AFF2: variants seen among roughly 807,000 people sequenced by gnomAD.
AFF2 encodes AF4/FMR2 family member 2.
In AFF2, 14 loss-of-function variants were observed where a neutral mutation model predicts 76.9. That is an observed-to-expected ratio of 0.18 (90% CI 0.12 to 0.28). The LOEUF is 0.28. Among genes scored for constraint, AFF2 ranks in the 10% least tolerant of loss-of-function variants. The pLI, the probability that AFF2 is intolerant of heterozygous loss-of-function variation, is 1.00. For synonymous variants in AFF2, 398 were observed against 366.7 expected (o/e 1.09, Z -0.98); for missense variants, 868 against 1,001.1 (o/e 0.87, Z 1.79).
At chrX:148,981,794 C>T (rs1055256805) in intron 19 of AFF2, among the ~76,000 whole-genome samples, 4 of 112,335 alleles carry the variant, frequency 3.6e-5, no homozygotes, top group African/African-American at 1.3e-4. Flanking sequence ...TCTCTACTGC[C>T]ACTTTATAAA....
chrX:148,609,501 T>C (rs2124399975), intron 1 of AFF2, among the ~76,000 whole-genome samples: 1 of 111,992 alleles, frequency 8.9e-6, no homozygotes, highest in Admixed American at 9.5e-5. Context: ...GTGTGTGTAG[T>C]GACTGGCTGA....
chrX:148,653,239 A>G (rs782498867), intron 2 of AFF2, among the ~76,000 whole-genome samples: 18 of 112,170 alleles, frequency 1.6e-4, no homozygotes, highest in African/African-American at 4.5e-4. Flanking sequence ...TCCCTAAAAA[A>G]GCAGTGTTCC....
At chrX:148,527,696 AT>A (rs782611068) in intron 1 of AFF2, among the ~76,000 whole-genome samples, 118 of 111,189 alleles carry the variant, frequency 1.1e-3, no homozygotes, top group African/African-American at 3.9e-3. Flanking sequence ...GGAAGTCTGA[AT>A]TTTTTTTCAA....
At chrX:148,776,133 G>C (rs1187097564) in intron 3 of AFF2, among the ~76,000 whole-genome samples, 11 of 111,019 alleles carry the variant, frequency 9.9e-5, no homozygotes, top group African/African-American at 3.6e-4. Flanking sequence ...TCCTTTGTTA[G>C]TTTGCTGAGA....
intron 7 of AFF2, among the ~76,000 whole-genome samples, chrX:148,878,615 G>C (rs998955594): frequency 9.0e-6 from 1 of 111,472 alleles, no homozygotes; most frequent in Non-Finnish European, 1.9e-5. Flanking sequence ...GACTTGTACC[G>C]CCCTACCAAA....
Position 148,953,646 on chromosome X carries a change from C to A in AFF2, c.1464C>A (p.Ser488Arg). Residue 488 changes from serine (S) to arginine (R), a missense_variant, in exon 10 of 21, where the codon AGC (serine) becomes AGA (arginine). By Grantham distance (110) the Ser-to-Arg change is moderately radical. Transcript: ENST00000370460. ...CCAGCGGGGGTTCTGGCAGCTCCAG[C>A]GAATCGGAGAGCAGCTCTGAGTCGG... ...VQASGGSGSSSESESSSESDS... is the reference protein window; with the variant it reads ...VQASGGSGSSRESESSSESDS... 1 of 1,211,423 alleles carries A rather than the reference C, an allele frequency of 8.3e-7. No homozygotes were observed. Among genetic ancestry groups the A allele is most frequent in the Non-Finnish European group, 1.1e-6 (1 of 895,276 alleles).
intron 9 of AFF2, among the ~76,000 whole-genome samples, chrX:148,938,453 TA>T (rs1312514900): frequency 8.9e-6 from 1 of 111,972 alleles, no homozygotes; most frequent in African/African-American, 3.2e-5. Flanking sequence ...AGCACGATAC[TA>T]AAAAAGAACC....
chrX:148,634,098 AC>A (rs1433079243), intron 1 of AFF2, among the ~76,000 whole-genome samples: 7 of 111,322 alleles, frequency 6.3e-5, no homozygotes, highest in African/African-American at 2.3e-4. Context: ...TGATCTCAAT[AC>A]CCTCTAATAA....
At chrX:148,815,884 G>A in intron 4 of AFF2, among the ~76,000 whole-genome samples, 1 of 111,419 alleles carries the variant, frequency 9.0e-6, no homozygotes, top group Non-Finnish European at 1.9e-5. Flanking sequence ...GTATATCTTA[G>A]GTATGCTATA....
intron 1 of AFF2, among the ~76,000 whole-genome samples, chrX:148,601,397 A>G (rs782479461): frequency 1.2e-4 from 14 of 112,021 alleles, no homozygotes; most frequent in Admixed American, 2.8e-4. Context: ...AGAGCCTGGC[A>G]TCTATGTAAA....
At chrX:148,784,579 A>T (rs1438707797) in intron 3 of AFF2, among the ~76,000 whole-genome samples, 1 of 111,790 alleles carries the variant, frequency 8.9e-6, no homozygotes, top group Non-Finnish European at 1.9e-5. Context: ...ACGGTGCATT[A>T]AGGATGAGAT....
intron 5 of AFF2, among the ~76,000 whole-genome samples, chrX:148,838,786 T>C (rs1404539443): frequency 8.9e-6 from 1 of 111,829 alleles, no homozygotes; most frequent in Non-Finnish European, 1.9e-5. Flanking sequence ...TGGACTTTAT[T>C]TGTAGAAGGA....
chrX:148,693,247 A>T (rs782675603), intron 3 of AFF2, among the ~76,000 whole-genome samples: 1 of 111,928 alleles, frequency 8.9e-6, no homozygotes, highest in Non-Finnish European at 1.9e-5. Context: ...CCCTGCATCA[A>T]CTAGTAATTG....
chrX:148,989,863 C>G (rs1869892480), intron 20 of AFF2, among the ~76,000 whole-genome samples: 1 of 111,689 alleles, frequency 9.0e-6, no homozygotes, highest in Non-Finnish European at 1.9e-5. Context: ...GCCCTCTGGC[C>G]TTTGGTCTAG....
chrX:148,854,073 C>A (rs1416332481), intron 7 of AFF2, among the ~76,000 whole-genome samples: 1 of 111,709 alleles, frequency 9.0e-6, no homozygotes, highest in Non-Finnish European at 1.9e-5. Flanking sequence ...AACTGGGTGA[C>A]CTGTGTTGCC....
chrX:148,703,830 G>C (rs1375937691), intron 3 of AFF2, among the ~76,000 whole-genome samples: 2 of 110,917 alleles, frequency 1.8e-5, no homozygotes, highest in Non-Finnish European at 3.8e-5. Context: ...TTATTCTTAA[G>C]AGTTTCACTT....
chrX:148,774,945 G>A (rs1202904634), intron 3 of AFF2, among the ~76,000 whole-genome samples: 1 of 112,009 alleles, frequency 8.9e-6, no homozygotes, highest in Non-Finnish European at 1.9e-5. Flanking sequence ...AACCGGCAGA[G>A]TAATTTTTAT....
At chrX:148,712,685 T>A (rs181298404) in intron 3 of AFF2, among the ~76,000 whole-genome samples, 1 of 112,306 alleles carries the variant, frequency 8.9e-6, no homozygotes, top group Non-Finnish European at 1.9e-5. Context: ...TATAATGAAA[T>A]GTTTCATTTG....
intron 9 of AFF2, among the ~76,000 whole-genome samples, chrX:148,909,734 A>T (rs1273314119): frequency 8.9e-6 from 1 of 111,759 alleles, no homozygotes; most frequent in Non-Finnish European, 1.9e-5. Flanking sequence ...ATTTCTCACT[A>T]TACTGGAACC....
Sources: allele counts gnomAD v4.1 joint callset (sites outside exome capture counted in the v4.1 genomes callset), GRCh38; gene constraint gnomAD v4.1.1; transcripts MANE v1.5; gene names NCBI Gene and HGNC (gene_info 2026-07-23, HGNC 2026-07-21).